The following AGRN variants were observed in gnomAD, a reference collection of about 807,000 sequenced individuals.
The protein encoded by AGRN is agrin proteoglycan.
Under a neutral mutation model 211.0 loss-of-function variants are expected in AGRN, and 106 were observed. The ratio of observed to expected loss-of-function variants is 0.50; its 90% CI spans 0.43 to 0.59. AGRN has a LOEUF of 0.59. Ranked by LOEUF, AGRN falls within the 20% of genes least tolerant of loss-of-function variation. The pLI, the probability that AGRN is intolerant of heterozygous loss-of-function variation, is 0.00. For synonymous variants in AGRN, 1,525 were observed against 1,332.5 expected, an observed-to-expected ratio of 1.14 and a Z score of -3.15; for missense variants, 3,040 against 2,982.6, an observed-to-expected ratio of 1.02 and a Z score of -0.45.
Position 1,049,293 on chromosome 1 carries a change from C to G in AGRN, c.4356C>G (p.Gly1452=). ...VLTSAVPVEP[G]QWHRLELSRH... is the part of the protein sequence containing the mutation. ...CCAGTGCCGTGCCGGTAGAGCCGGGCCAGTGGCACCGCCTGGAGCTGTCCC... is the reference window on the plus strand; with the variant it reads ...CCAGTGCCGTGCCGGTAGAGCCGGGGCAGTGGCACCGCCTGGAGCTGTCCC... The change falls in exon 25 of 36, where the codon GGC becomes GGG. Residue 1452 remains glycine, a synonymous_variant. Transcript: ENST00000379370. 2 of 1,596,798 alleles carry G rather than the reference C, an allele frequency of 1.3e-6. No individual in the cohort carries two copies. The highest frequency in any genetic ancestry group is 1.7e-6 in the Non-Finnish European group (2 of 1,178,606).
At position 1,045,786 on chromosome 1, in the gene AGRN, G is replaced by A. The variant is rs1179074439; in HGVS notation, c.2590G>A (p.Gly864Arg). Residue 864 changes from glycine (G) to arginine (R), a missense_variant, in exon 15 of 36, where the codon GGG (glycine) becomes AGG (arginine). Physicochemically the swap from Gly to Arg is moderately radical, Grantham distance 125 (BLOSUM62 -2). This residue lies in a region of AGRN where 1,498 missense variants were observed against 1,457.8 expected (regional missense o/e 1.03). Coordinates refer to ENST00000379370, the MANE Select transcript of AGRN (RefSeq NM_198576.4). ...AVRDDCEQMT[G>R]LCSCKPGVAG... ...GCGGGATGACTGTGAGCAGATGACG[G>A]GGCTGTGCTCGTGTAAGCCCGGGGT... is the stretch of plus-strand genomic sequence containing the variant. 4.3e-6 allele frequency: 7 copies of A among 1,613,228 alleles called. No homozygotes were observed. The highest frequency in any genetic ancestry group is 5.9e-6 in the Non-Finnish European group (7 of 1,179,958).
intron 3 of AGRN, among the ~76,000 whole-genome samples, chr1:1,039,474 C>T (rs558406383): frequency 2.6e-5 from 4 of 152,144 alleles, no homozygotes; most frequent in East Asian, 1.9e-4. Flanking sequence ...GTAGCCACCC[C>T]TCTGACATGA....
At position 1,047,707 on chromosome 1, in the gene AGRN, C is replaced by T; in HGVS notation, c.3631+20C>T. 4 of 1,612,930 alleles carry T rather than the reference C, an allele frequency of 2.5e-6. No individual in the cohort carries two copies. Among genetic ancestry groups the T allele is most frequent in the Non-Finnish European group, 2.5e-6 (3 of 1,179,980 alleles). On this transcript the variant is annotated intron_variant, in intron 21 of 35. Transcript: ENST00000379370. ...ACCCCAGTGAGACCTGCACCCTGGA[C>T]CCTTCCTGGGAGGCAATGGGTGGGG...
At chr1:1,039,937 G>A (rs1010837619) in intron 3 of AGRN, among the ~76,000 whole-genome samples, 1 of 152,186 alleles carries the variant, frequency 6.6e-6, no homozygotes, top group Non-Finnish European at 1.5e-5. Flanking sequence ...AGTAGAGGCG[G>A]AGGCCAGGAA....
rs1335815863 is a variant in AGRN, at chr1:1,046,743, G to A, written c.3250+8G>A. The A allele has an allele frequency of 6.3e-7, 1 of 1,579,476 alleles. No homozygotes were observed. The highest frequency in any genetic ancestry group is 8.5e-7 in the Non-Finnish European group (1 of 1,169,630). ...GTGGGGGTGGCTCTGGGGGTGAGCA[G>A]GGATCAAGGACTTGGGGTGGGTGGG... On this transcript the variant is annotated splice_region_variant and intron_variant, in intron 18 of 35. Coordinates refer to ENST00000379370, the MANE Select transcript of AGRN (RefSeq NM_198576.4).
In AGRN at chr1:1,047,632, G is replaced by C; in HGVS notation, c.3576G>C (p.Arg1192=). 1.9e-6 allele frequency: 3 copies of C among 1,613,068 alleles called. No homozygotes were observed. Among genetic ancestry groups the C allele is most frequent in the Non-Finnish European group, 2.5e-6 (3 of 1,180,022 alleles). Reference sequence around the variant, plus strand: ...AGGATTTTCGGAGTGTCCGCTTGCGGGACCTGGGGCCCGGCAAATCCGTCC... The same window carrying C: ...AGGATTTTCGGAGTGTCCGCTTGCGCGACCTGGGGCCCGGCAAATCCGTCC... The part of the protein sequence containing the change: ...VKKDFRSVRL[R]DLGPGKSVRA... Residue 1192 remains arginine, a synonymous_variant, in exon 21 of 36, where the codon CGG becomes CGC. Coordinates refer to ENST00000379370, the MANE Select transcript of AGRN (RefSeq NM_198576.4).
At chr1:1,030,967 ATGTG>A (rs371469149) in intron 2 of AGRN, among the ~76,000 whole-genome samples, 1 of 74,858 alleles carries the variant, frequency 1.3e-5, no homozygotes, top group African/African-American at 5.0e-5. Flanking sequence ...TGAGATCAGC[ATGTG>A]TGTGTGTGTG....
In AGRN at chr1:1,034,433, A is replaced by G. The variant is rs551175729; in HGVS notation, c.464-844A>G. 12 of 985,742 alleles carry G rather than the reference A, an allele frequency of 1.2e-5. No homozygotes were observed. In the South Asian group the frequency reaches 2.8e-4, roughly 23 times the overall value. 61.1% of individuals were successfully genotyped at this position (985,742 alleles called of 1,614,324 possible). A position where few individuals can be genotyped will look rare whatever the true frequency, so the allele number is the denominator to read the frequency against. On this transcript the variant is annotated intron_variant, in intron 2 of 35. Coordinates refer to ENST00000379370, the MANE Select transcript of AGRN (RefSeq NM_198576.4). ...CTGTGACTGGGTGAACTCTGAGGGC[A>G]CAGCTGCTGTCCGCCGCCCCAGGGG... is the stretch of plus-strand genomic sequence containing the variant.
intron 2 of AGRN, among the ~76,000 whole-genome samples, chr1:1,026,681 C>A (rs1644527760): frequency 6.6e-6 from 1 of 152,080 alleles, no homozygotes; most frequent in African/African-American, 2.4e-5. Context: ...GGACTGGGCT[C>A]CCCAGGGCCC....
intron 2 of AGRN, chr1:1,035,048 G>A: frequency 1.6e-6 from 1 of 620,110 alleles, no homozygotes; most frequent in Non-Finnish European, 2.9e-6. Context: ...TCTGACAGGG[G>A]TCAGGCCATG....
rs1277729944 is a variant in AGRN at position 1,033,999 on chromosome 1, C to T, written c.464-1278C>T. On this transcript the variant is annotated intron_variant, in intron 2 of 35. Coordinates refer to ENST00000379370, the MANE Select transcript of AGRN (RefSeq NM_198576.4). ...CGCGGCGTCTTCGCCCCTCACTCAC[C>T]TCCCCAGCCCCGCGGGGACGAGGGG... is the stretch of plus-strand genomic sequence containing the variant. 31 of 529,786 alleles carry T rather than the reference C, an allele frequency of 5.9e-5. No individual in the cohort carries two copies. In the Admixed American group the frequency reaches 1.9e-3, roughly 33 times the overall value. 32.8% of individuals were successfully genotyped at this position (529,786 alleles called of 1,614,324 possible).
Position 1,040,772 on chromosome 1 carries a change from G to T in AGRN, c.619G>T (p.Ala207Ser). ...GAAGAGCCCGTGCCCCAGCGTGGTGGCGCCTGTGTGTGGGTCGGACGCCTC... is the reference window on the plus strand; with the variant it reads ...GAAGAGCCCGTGCCCCAGCGTGGTGTCGCCTGTGTGTGGGTCGGACGCCTC... ...CKKSPCPSVV[A>S]PVCGSDASTY... The change falls in exon 4 of 36, where the codon GCG (alanine) becomes TCG (serine). Residue 207 changes from alanine to serine, a missense_variant. Physicochemically the swap from Ala to Ser is moderately conservative, Grantham distance 99 (BLOSUM62 1). Around this residue, in one of 3 missense-constraint regions of AGRN, gnomAD observed 1,498 missense variants for 1,457.8 expected, o/e 1.03. Transcript: ENST00000379370. 2 of 1,541,246 alleles carry T rather than the reference G, an allele frequency of 1.3e-6. No homozygotes were observed. The highest frequency in any genetic ancestry group is 1.7e-6 in the Non-Finnish European group (2 of 1,147,498).
At chr1:1,024,174 G>A (rs901186626) in intron 2 of AGRN, among the ~76,000 whole-genome samples, 3 of 152,106 alleles carry the variant, frequency 2.0e-5, no homozygotes, top group South Asian at 2.1e-4. Flanking sequence ...GGGATATCTC[G>A]GGTGGCTGGG....
rs1644960998 is a variant in AGRN, at chr1:1,042,107, G to A, written c.1329G>A (p.Gln443=). 1 of 1,602,676 alleles carries A rather than the reference G, an allele frequency of 6.2e-7. No individual in the cohort carries two copies. The highest frequency in any genetic ancestry group is 8.5e-7 in the Non-Finnish European group (1 of 1,178,608). Residue 443 remains glutamine, a synonymous_variant, in exon 7 of 36, where the codon CAG becomes CAA. Transcript: ENST00000379370. ...GRTYDSDCWR[Q]QAECRQQRAI... ...CGTATGACAGTGATTGCTGGCGGCAGCAGGCTGAGTGCCGGCAGCAGCGTG... is the reference window on the plus strand; with the variant it reads ...CGTATGACAGTGATTGCTGGCGGCAACAGGCTGAGTGCCGGCAGCAGCGTG...
chr1:1,040,940 A>G (rs1570191411), intron 4 of AGRN, 60 bp downstream of exon 4: 2 of 976,950 alleles, frequency 2.0e-6, no homozygotes. Flanking sequence ...AGATGGAGCG[A>G]GGCTGGGAGG....
Position 1,041,532 on chromosome 1 carries a change from G to T in AGRN, c.1007G>T (p.Arg336Leu). ...AGCCGCAGCTGCCGTGTGAACCCGCGCACGCGGCGCCCTGAGATGCTCCTA... is the reference window on the plus strand; with the variant it reads ...AGCCGCAGCTGCCGTGTGAACCCGCTCACGCGGCGCCCTGAGATGCTCCTA... ...DPSRSCRVNPRTRRPEMLLRP... is the reference protein window; with the variant it reads ...DPSRSCRVNPLTRRPEMLLRP... The change falls in exon 6 of 36, where the codon CGC becomes CTC. Residue 336 changes from arginine to leucine, a missense_variant. This residue lies in a region of AGRN where 1,498 missense variants were observed against 1,457.8 expected (regional missense o/e 1.03). Coordinates refer to ENST00000379370, the MANE Select transcript of AGRN (RefSeq NM_198576.4). The T allele has an allele frequency of 6.2e-7, 1 of 1,604,688 alleles. No homozygotes were observed. Among genetic ancestry groups the T allele is most frequent in the Non-Finnish European group, 8.5e-7 (1 of 1,179,020 alleles).
chr1:1,054,834 G>T lies in AGRN; in HGVS notation c.5991G>T (p.Pro1997=). 6.4e-7 allele frequency: 1 copy of T among 1,558,334 alleles called. No homozygotes were observed. The highest frequency in any genetic ancestry group is 2.4e-5 in the East Asian group (1 of 41,960). The change falls in exon 36 of 36, where the codon CCG becomes CCT. Residue 1997 remains proline, a synonymous_variant. Transcript: ENST00000379370. ...CTGTCTGTGCTGCAGGGGGCCTGCC[G>T]GAGCTGCCCGTGGGCCCAGCACTGC... The part of the protein sequence containing the change: ...TDGALWLGGL[P]ELPVGPALPK...
At position 1,049,646 on chromosome 1, in the gene AGRN, TTGGCATTGG is replaced by T; in HGVS notation, c.4596_4604del (p.Gly1533_Gly1535del). ...GACGTCAACAACCAGCGCCTGGAGC[TTGGCATTGG>T]GCCGGGGGCTGCCACCCGAGGCTCT... On this transcript the variant is annotated inframe_deletion, in exon 26 of 36. Transcript: ENST00000379370. 6.3e-7 allele frequency: 1 copy of T among 1,585,938 alleles called. No individual in the cohort carries two copies. The highest frequency in any genetic ancestry group is 8.6e-7 in the Non-Finnish European group (1 of 1,167,214).
chr1:1,043,794 C>T (rs777585248), intron 9 of AGRN, 29 bp from the exon 10 acceptor site: 13 of 1,607,986 alleles, frequency 8.1e-6, no homozygotes, highest in Middle Eastern at 1.6e-4. Flanking sequence ...CTGGGCCTGC[C>T]GACCCCTGCC....
Sources: allele counts gnomAD v4.1 joint callset (sites outside exome capture counted in the v4.1 genomes callset), GRCh38; gene constraint gnomAD v4.1.1; regional missense constraint gnomAD v4.1.1; transcripts MANE v1.5; gene names NCBI Gene and HGNC (gene_info 2026-07-23, HGNC 2026-07-21).